RASSF5: variants seen among roughly 807,000 people sequenced by gnomAD.
RASSF5 encodes ras association domain-containing protein 5.
RASSF5 carries 25 observed loss-of-function variants against 40.5 expected under a neutral mutation model. The ratio of observed to expected loss-of-function variants is 0.62; its 90% CI spans 0.45 to 0.86. The LOEUF is 0.86. Ranked by LOEUF, RASSF5 falls within the 40% of genes least tolerant of loss-of-function variation. The pLI is 0.00. For synonymous variants in RASSF5, 246 were observed against 252.4 expected, an observed-to-expected ratio of 0.97 and a Z score of 0.24; for missense variants, 521 against 572.8, an observed-to-expected ratio of 0.91 and a Z score of 0.92.
At chr1:206,525,270 A>G (rs1160907210) in intron 1 of RASSF5, among the ~76,000 whole-genome samples, 2 of 152,136 alleles carry the variant, frequency 1.3e-5, no homozygotes, top group East Asian at 3.9e-4. Context: ...CTGCAGGCCA[A>G]CCAGGGCGCC....
intron 1 of RASSF5, chr1:206,529,680 A>G: frequency 1.3e-6 from 1 of 749,464 alleles, no homozygotes. Context: ...GGCAAAGGCT[A>G]AAGAACTTGC....
At chr1:206,522,092 C>T (rs1210533874) in intron 1 of RASSF5, among the ~76,000 whole-genome samples, 1 of 152,018 alleles carries the variant, frequency 6.6e-6, no homozygotes, top group African/African-American at 2.4e-5. Context: ...GATGATCAAA[C>T]CAGTATATAT....
intron 1 of RASSF5, among the ~76,000 whole-genome samples, chr1:206,532,625 G>A (rs1572312496): frequency 6.6e-6 from 1 of 152,218 alleles, no homozygotes; most frequent in African/African-American, 2.4e-5. Context: ...TTCAGAAGTT[G>A]TCCTGCTTTC....
chr1:206,556,062 G>A (rs565826657), intron 2 of RASSF5, among the ~76,000 whole-genome samples: 2 of 152,292 alleles, frequency 1.3e-5, no homozygotes, highest in Admixed American at 1.3e-4. Context: ...AGGGCCCTCC[G>A]GGGTCCATGA....
chr1:206,509,018 G>A (rs897497605), intron 1 of RASSF5, among the ~76,000 whole-genome samples: 5 of 151,694 alleles, frequency 3.3e-5, no homozygotes, highest in Non-Finnish European at 7.4e-5. Context: ...GTGTTTATCA[G>A]AGGATATCCA....
At chr1:206,573,628 T>C (rs1424515935) in intron 2 of RASSF5, among the ~76,000 whole-genome samples, 5 of 152,184 alleles carry the variant, frequency 3.3e-5, no homozygotes, top group Non-Finnish European at 7.3e-5. Flanking sequence ...CCACCAGGCA[T>C]AGAGAAGTAG....
chr1:206,519,553 C>T (rs1416860114), intron 1 of RASSF5, among the ~76,000 whole-genome samples: 14 of 152,190 alleles, frequency 9.2e-5, no homozygotes, highest in African/African-American at 3.4e-4. Flanking sequence ...GGGTCTGGAA[C>T]CTGCTTCTCT....
intron 2 of RASSF5, among the ~76,000 whole-genome samples, chr1:206,561,840 GT>G (rs35815148): frequency 4.9e-5 from 7 of 143,760 alleles, no homozygotes; most frequent in East Asian, 4.1e-4. Flanking sequence ...TAAGTTTTGT[GT>G]TTTTTTTTTT....
At chr1:206,549,693 T>C (rs1362249041) in intron 2 of RASSF5, among the ~76,000 whole-genome samples, 1 of 152,212 alleles carries the variant, frequency 6.6e-6, no homozygotes, top group Non-Finnish European at 1.5e-5. Flanking sequence ...TTTAAGAGCC[T>C]CTTTAAGATT....
chr1:206,513,024 C>T lies in RASSF5; in HGVS notation c.457+4965C>T, dbSNP rs1666657008. Among the ~76,000 whole-genome samples, 1 of 152,206 alleles carries T rather than the reference C, an allele frequency of 6.6e-6. No individual in the cohort carries two copies. The highest frequency in any genetic ancestry group is 6.5e-5 in the Admixed American group (1 of 15,284). ...AGGGACAGTGGTAAAGTTAGAACCT[C>T]TCGGGCGGGCCTCATTCTGACAGGT... On this transcript the variant is annotated intron_variant, in intron 1 of 5. Transcript: ENST00000579436. This position sits in a 1 kb window ranked among gnomAD's most constrained non-coding sequence, Gnocchi z 5.0.
Position 206,587,138 on chromosome 1 carries a change from T to C in RASSF5, c.*160T>C. 1 of 890,270 alleles carries C rather than the reference T, an allele frequency of 1.1e-6. No individual in the cohort carries two copies. Among genetic ancestry groups the C allele is most frequent in the South Asian group, 1.5e-5 (1 of 67,228 alleles). 55.1% of individuals were successfully genotyped at this position (890,270 alleles called of 1,614,324 possible). Reference sequence around the variant, plus strand: ...AAAGTCTCTTCCATGGACAAGTGTTTGCACGAGGGTTCAGCTGTGCCCGCC... The same window carrying C: ...AAAGTCTCTTCCATGGACAAGTGTTCGCACGAGGGTTCAGCTGTGCCCGCC... On this transcript the variant is annotated 3_prime_UTR_variant, in exon 6 of 6. Coordinates refer to ENST00000579436, the MANE Select transcript of RASSF5 (RefSeq NM_182663.4).
At position 206,584,806 on chromosome 1, in the gene RASSF5, G is replaced by A; in HGVS notation, c.988+122G>A. On this transcript the variant is annotated intron_variant, in intron 4 of 5. Coordinates refer to ENST00000579436, the MANE Select transcript of RASSF5 (RefSeq NM_182663.4). The surrounding 1 kb of genome is among the most constrained non-coding windows in gnomAD (Gnocchi z 4.9). ...GCTTCTCCTGAGCACCAGGGGTCCA[G>A]CTGCCCATGTGGTGTTCAGATCTGT... 9.7e-7 allele frequency: 1 copy of A among 1,032,766 alleles called. No homozygotes were observed. The highest frequency in any genetic ancestry group is 1.4e-6 in the Non-Finnish European group (1 of 698,444). 64.0% of individuals were successfully genotyped at this position (1,032,766 alleles called of 1,614,324 possible). A position where few individuals can be genotyped will look rare whatever the true frequency, so the allele number is the denominator to read the frequency against.
intron 1 of RASSF5, among the ~76,000 whole-genome samples, chr1:206,520,794 A>C (rs1014862981): frequency 2.6e-5 from 4 of 152,156 alleles, no homozygotes. Flanking sequence ...TTAAATGTCA[A>C]ACAGTTGAAA....
chr1:206,523,441 A>G (rs1202740296), intron 1 of RASSF5, among the ~76,000 whole-genome samples: 161 of 116,702 alleles, frequency 1.4e-3, no homozygotes, highest in Non-Finnish European at 2.3e-3. Flanking sequence ...TATATTTTAT[A>G]TATAATATAT....
chr1:206,513,126 G>C lies in RASSF5; in HGVS notation c.457+5067G>C, dbSNP rs1666661063. 6.6e-6 allele frequency among the ~76,000 whole-genome samples: 1 copy of C among 152,216 alleles called. No individual in the cohort carries two copies. On this transcript the variant is annotated intron_variant, in intron 1 of 5. Transcript: ENST00000579436. This position sits in a 1 kb window ranked among gnomAD's most constrained non-coding sequence, Gnocchi z 5.0. ...GGCTTCAGAGTCAGCACCTCTGTGT[G>C]AGAGGCTGCTACCTGAGGTGGGATG...
chr1:206,561,176 G>A (rs1396681556), intron 2 of RASSF5, among the ~76,000 whole-genome samples: 3 of 152,202 alleles, frequency 2.0e-5, no homozygotes, highest in Admixed American at 6.5e-5. Flanking sequence ...AGAGCACCTC[G>A]CTTTATAGAT....
chr1:206,551,009 A>G (rs2103533530), intron 2 of RASSF5, among the ~76,000 whole-genome samples: 1 of 152,320 alleles, frequency 6.6e-6, no homozygotes, highest in South Asian at 2.1e-4. Context: ...TAATAACTTT[A>G]TGATCTAGCA....
intron 2 of RASSF5, among the ~76,000 whole-genome samples, chr1:206,572,092 AATGGGTCC>A (rs1381975743): frequency 6.6e-6 from 1 of 152,202 alleles, no homozygotes; most frequent in Non-Finnish European, 1.5e-5. Flanking sequence ...CTCAGAAGTA[AATGGGTCC>A]ATGGACCAGC....
At chr1:206,533,085 C>T (rs1358741759) in intron 1 of RASSF5, among the ~76,000 whole-genome samples, 1 of 152,094 alleles carries the variant, frequency 6.6e-6, no homozygotes, top group Non-Finnish European at 1.5e-5. Flanking sequence ...GCCTCCTAGC[C>T]ATGGAACTCC....
Sources: gnomAD v4.1 joint callset for allele counts (sites outside exome capture counted in the v4.1 genomes callset) on GRCh38, gnomAD v4.1.1 for gene constraint, Gnocchi (gnomAD v3.1) non-coding constraint, MANE v1.5 for transcripts, NCBI Gene and HGNC (gene_info 2026-07-23, HGNC 2026-07-21) for gene names.